Variants in DYNC1H1 observed in about 807,000 individuals in gnomAD.
The protein encoded by DYNC1H1 is dynein cytoplasmic 1 heavy chain 1.
In DYNC1H1, 51 loss-of-function variants were observed where a neutral mutation model predicts 527.1. The ratio of observed to expected loss-of-function variants is 0.10; its 90% CI spans 0.08 to 0.12. The LOEUF (loss-of-function observed/expected upper bound fraction) is 0.12. DYNC1H1 is among the 10% of genes least tolerant of loss of function. DYNC1H1 has a pLI of 1.00. For synonymous variants in DYNC1H1, 2,189 were observed against 2,278.8 expected (o/e 0.96, Z 1.12); for missense variants, 2,771 against 5,971.8 (o/e 0.46, Z 17.66).
chr14:101,968,284 GGTTTTGTTTT>G (rs71116867), intron 1 of DYNC1H1, among the ~76,000 whole-genome samples: 4 of 151,574 alleles, frequency 2.6e-5, no homozygotes, highest in African/African-American at 9.7e-5. Flanking sequence ...GTGGGGAAAG[GGTTTTGTTTT>G]GTTTTGTTTT....
At chr14:102,040,551 C>T (rs772857781) in intron 63 of DYNC1H1, 47 bp from the exon 64 acceptor site, 1 of 1,613,610 alleles carries the variant, frequency 6.2e-7, no homozygotes, top group Non-Finnish European at 8.5e-7. Flanking sequence ...GGTTCTGCCC[C>T]AGAGGCCAGC....
rs2048181510 is a variant in DYNC1H1 at position 102,005,085 on chromosome 14, A to G, written c.5282A>G (p.Asn1761Ser). ...VLSAQIAWSENVETALSSMGG... is the reference protein window; with the variant it reads ...VLSAQIAWSESVETALSSMGG... ...TCAGCCCAGATAGCCTGGTCTGAGA[A>G]CGTGGAGACCGCACTGAGCAGCATG... Residue 1761 changes from asparagine (N) to serine (S), a missense_variant, in exon 26 of 78, where the codon AAC becomes AGC. Asn to Ser is a conservative substitution (Grantham distance 46). Coordinates refer to ENST00000360184, the MANE Select transcript of DYNC1H1 (RefSeq NM_001376.5). This position sits in a 1 kb window ranked among gnomAD's most constrained non-coding sequence, Gnocchi z 4.0. 2 of 1,614,204 alleles carry G rather than the reference A, an allele frequency of 1.2e-6. No individual in the cohort carries two copies. The highest frequency in any genetic ancestry group is 1.7e-6 in the Non-Finnish European group (2 of 1,180,042).
rs371535011 is a variant in DYNC1H1, at chr14:102,042,190, G to A, written c.12215-38G>A. On this transcript the variant is annotated intron_variant, in intron 66 of 77. Transcript: ENST00000360184. This position sits in a 1 kb window ranked among gnomAD's most constrained non-coding sequence, Gnocchi z 5.7. ...GGATTTGTGGTGGGCATTGATGTCC[G>A]AGGCTGCCGCTGCTAACACTAAGTT... is the stretch of plus-strand genomic sequence containing the variant. 8.7e-6 allele frequency: 14 copies of A among 1,613,866 alleles called. No individual in the cohort carries two copies. The highest frequency in any genetic ancestry group is 1.6e-4 in the Middle Eastern group (1 of 6,082).
At chr14:101,987,715 C>A in intron 9 of DYNC1H1, 83 bp downstream of exon 9, 2 of 1,501,748 alleles carry the variant, frequency 1.3e-6, no homozygotes, top group Non-Finnish European at 1.8e-6. Context: ...CACTAAAAAG[C>A]ATTTTTCCTT....
chr14:102,044,925 A>G lies in DYNC1H1; in HGVS notation c.13006+227A>G. The stretch of plus-strand genomic sequence containing the variant: ...GAGGAAAGAACTGGCTCTTCTCTGC[A>G]GCATCAACTCAGTTCTAGAGAAAAG... On this transcript the variant is annotated intron_variant, in intron 72 of 77. Coordinates refer to ENST00000360184, the MANE Select transcript of DYNC1H1 (RefSeq NM_001376.5). The surrounding 1 kb of genome is among the most constrained non-coding windows in gnomAD (Gnocchi z 7.1). The G allele has an allele frequency of 1.7e-6, 1 of 594,036 alleles. No individual in the cohort carries two copies. The highest frequency in any genetic ancestry group is 3.0e-6 in the Non-Finnish European group (1 of 333,052). The allele number at this position is 594,036 out of a possible 1,614,324, so 36.8% of individuals were successfully genotyped here. A position where few individuals can be genotyped will look rare whatever the true frequency, so the allele number is the denominator to read the frequency against.
chr14:101,981,246 C>T (rs1471644602), intron 5 of DYNC1H1, among the ~76,000 whole-genome samples: 1 of 152,122 alleles, frequency 6.6e-6, no homozygotes, highest in Non-Finnish European at 1.5e-5. Flanking sequence ...ACCTCAGCCA[C>T]CCAAGTAGCT....
chr14:101,991,617 T>G lies in DYNC1H1; in HGVS notation c.2959T>G (p.Phe987Val). 6.2e-7 allele frequency: 1 copy of G among 1,614,178 alleles called. No homozygotes were observed. Among genetic ancestry groups the G allele is most frequent in the Non-Finnish European group, 8.5e-7 (1 of 1,180,038 alleles). ...ECRYKLYQEMFAWKMVVLSLP... is the reference protein window; with the variant it reads ...ECRYKLYQEMVAWKMVVLSLP... Reference sequence around the variant, plus strand: ...CAGATACAAGCTGTATCAGGAAATGTTTGCCTGGAAGATGGTTGTACTGTC... The same window carrying G: ...CAGATACAAGCTGTATCAGGAAATGGTTGCCTGGAAGATGGTTGTACTGTC... Residue 987 changes from phenylalanine to valine, a missense_variant, in exon 11 of 78, where the codon TTT becomes GTT. This residue lies in a region of DYNC1H1 where 179 missense variants were observed against 349.4 expected (regional missense o/e 0.51). Coordinates refer to ENST00000360184, the MANE Select transcript of DYNC1H1 (RefSeq NM_001376.5).
At position 102,044,453 on chromosome 14, in the gene DYNC1H1, C is replaced by G; in HGVS notation, c.12864C>G (p.Val4288=). 1 of 1,614,136 alleles carries G rather than the reference C, an allele frequency of 6.2e-7. No individual in the cohort carries two copies. The highest frequency in any genetic ancestry group is 1.1e-5 in the South Asian group (1 of 91,064). The change falls in exon 71 of 78, where the codon GTC becomes GTG. Residue 4288 remains valine, a synonymous_variant. Transcript: ENST00000360184. This position sits in a 1 kb window ranked among gnomAD's most constrained non-coding sequence, Gnocchi z 7.1. The part of the protein sequence containing the change: ...FDSEFKLACK[V]DGHKDIQMPD... ...GTGAGTTTAAGCTGGCATGCAAGGT[C>G]GACGGACATAAAGACATTCAAATGC...
chr14:101,996,135 C>CTTTT (rs537429528), intron 15 of DYNC1H1, among the ~76,000 whole-genome samples: 2 of 142,542 alleles, frequency 1.4e-5, no homozygotes, highest in Non-Finnish European at 3.1e-5. Context: ...CTTTTCTTTT[C>CTTTT]TTTTTTTTTT....
At chr14:102,047,488 G>T (rs920465592) in intron 72 of DYNC1H1, among the ~76,000 whole-genome samples, 1 of 151,570 alleles carries the variant, frequency 6.6e-6, no homozygotes, top group African/African-American at 2.4e-5. Flanking sequence ...AGTGAGCCAA[G>T]GTCACGCCAC....
At position 102,032,807 on chromosome 14, in the gene DYNC1H1, C is replaced by T. The variant is rs1421988242; in HGVS notation, c.10080-258C>T. On this transcript the variant is annotated intron_variant, in intron 52 of 77. Transcript: ENST00000360184. Reference sequence around the variant, plus strand: ...GATCAAGGCTTCAGTGAACCGAGATCACACCACCGCACTCCAGCCTGGGTG... The same window carrying T: ...GATCAAGGCTTCAGTGAACCGAGATTACACCACCGCACTCCAGCCTGGGTG... The T allele has an allele frequency of 2.3e-5, 13 of 566,664 alleles. No homozygotes were observed. In the East Asian group the frequency reaches 3.4e-4, roughly 15 times the overall value. The allele number at this position is 566,664 out of a possible 1,614,324, so 35.1% of individuals were successfully genotyped here.
Position 101,997,375 on chromosome 14 carries a change from T to A in DYNC1H1, c.3804+101T>A. 1.9e-6 allele frequency: 3 copies of A among 1,577,706 alleles called. No individual in the cohort carries two copies. Among genetic ancestry groups the A allele is most frequent in the Non-Finnish European group, 8.6e-7 (1 of 1,161,436 alleles). The stretch of plus-strand genomic sequence containing the variant: ...AAGGCCTTGCTGTGACTGAGCTTTC[T>A]AGTATTGAAGACTCTTTTCCTTTTT... On this transcript the variant is annotated intron_variant, in intron 16 of 77. Transcript: ENST00000360184. The surrounding 1 kb of genome is among the most constrained non-coding windows in gnomAD (Gnocchi z 4.8).
rs1430096027 is a variant in DYNC1H1, at chr14:102,012,125, T to A, written c.6857+12T>A. 2 of 1,614,044 alleles carry A rather than the reference T, an allele frequency of 1.2e-6. No individual in the cohort carries two copies. Among genetic ancestry groups the A allele is most frequent in the Admixed American group, 1.7e-5 (1 of 60,022 alleles). ...CACGTGCTGAGAAAGTACGTCTTCT[T>A]TGATCTGTGTTTGTGTTCTCCTGGA... On this transcript the variant is annotated intron_variant, in intron 33 of 77. Coordinates refer to ENST00000360184, the MANE Select transcript of DYNC1H1 (RefSeq NM_001376.5). This position sits in a 1 kb window ranked among gnomAD's most constrained non-coding sequence, Gnocchi z 4.9.
In DYNC1H1 at chr14:102,018,328, G is replaced by C. The variant is rs1487391096; in HGVS notation, c.8178-123G>C. On this transcript the variant is annotated intron_variant, in intron 40 of 77. Coordinates refer to ENST00000360184, the MANE Select transcript of DYNC1H1 (RefSeq NM_001376.5). This position sits in a 1 kb window ranked among gnomAD's most constrained non-coding sequence, Gnocchi z 5.2. ...CTCAGCTAACACTGATGTCAAGTCTGCATAGCTGGGTTAGGAAGCGACCTC... is the reference window on the plus strand; with the variant it reads ...CTCAGCTAACACTGATGTCAAGTCTCCATAGCTGGGTTAGGAAGCGACCTC... 1.5e-6 allele frequency: 2 copies of C among 1,374,010 alleles called. No homozygotes were observed. Among genetic ancestry groups the C allele is most frequent in the East Asian group, 5.0e-5 (2 of 39,886 alleles). 85.1% of individuals were successfully genotyped at this position (1,374,010 alleles called of 1,614,324 possible).
At position 101,985,593 on chromosome 14, in the gene DYNC1H1, G is replaced by A; in HGVS notation, c.1462-94G>A. 1 of 1,411,700 alleles carries A rather than the reference G, an allele frequency of 7.1e-7. No individual in the cohort carries two copies. Among genetic ancestry groups the A allele is most frequent in the South Asian group, 1.2e-5 (1 of 85,658 alleles). The allele number at this position is 1,411,700 out of a possible 1,614,324, so 87.4% of individuals were successfully genotyped here. A position where few individuals can be genotyped will look rare whatever the true frequency, so the allele number is the denominator to read the frequency against. ...CCTGCCTTGGCCTCCCAAAGTGCTG[G>A]GATTACAGGTGTGAGCCACTGCACC... On this transcript the variant is annotated intron_variant, in intron 7 of 77. Coordinates refer to ENST00000360184, the MANE Select transcript of DYNC1H1 (RefSeq NM_001376.5). This position sits in a 1 kb window ranked among gnomAD's most constrained non-coding sequence, Gnocchi z 5.9.
In DYNC1H1 at chr14:102,047,641, G is replaced by GTATATA. The variant is rs71116874; in HGVS notation, c.13007-158_13007-153dup. The GTATATA allele has an allele frequency of 1.3e-3, 415 of 316,628 alleles. 9 individuals carry two copies. Among genetic ancestry groups the GTATATA allele is most frequent in the African/African-American group, 9.8e-3 (251 of 25,518 alleles). 19.6% of individuals were successfully genotyped at this position (316,628 alleles called of 1,614,324 possible). A position where few individuals can be genotyped will look rare whatever the true frequency, so the allele number is the denominator to read the frequency against. ...TACACGTGTGTGTGTGTGTGTGTGT[G>GTATATA]TATATATATATATATATATATATGT... is the stretch of plus-strand genomic sequence containing the variant. On this transcript the variant is annotated intron_variant, in intron 72 of 77. Transcript: ENST00000360184.
At position 101,990,563 on chromosome 14, in the gene DYNC1H1, A is replaced by G. The variant is rs148967721; in HGVS notation, c.2869-964A>G. Among the ~76,000 whole-genome samples the G allele has an allele frequency of 1.1e-4, 16 of 152,238 alleles. No homozygotes were observed. In the South Asian group the frequency reaches 1.2e-3, roughly 12 times the overall value. On this transcript the variant is annotated intron_variant, in intron 10 of 77. Coordinates refer to ENST00000360184, the MANE Select transcript of DYNC1H1 (RefSeq NM_001376.5). Reference sequence around the variant, plus strand: ...AGTAGTTTAGTAATTTAGAGAGAGAAAGTGTTGAGTATCAAAACTATTTTA... The same window carrying G: ...AGTAGTTTAGTAATTTAGAGAGAGAGAGTGTTGAGTATCAAAACTATTTTA...
intron 4 of DYNC1H1, 134 bp downstream of exon 4, chr14:101,980,108 G>A: frequency 1.4e-6 from 2 of 1,393,468 alleles, no homozygotes; most frequent in African/African-American, 1.4e-5. Context: ...TCCTGGGACT[G>A]TCCAGTGCAG....
chr14:102,043,283 CAAAAA>C (rs10673572), intron 69 of DYNC1H1: 31 of 118,278 alleles, frequency 2.6e-4, no homozygotes, highest in South Asian at 7.3e-4. Context: ...GACCCCGTCT[CAAAAA>C]AAAAAAAAAA....
Sources: gnomAD v4.1 joint callset for allele counts (sites outside exome capture counted in the v4.1 genomes callset) on GRCh38, gnomAD v4.1.1 for gene constraint, gnomAD v4.1.1 regional missense constraint, Gnocchi (gnomAD v3.1) non-coding constraint, MANE v1.5 for transcripts, NCBI Gene and HGNC (gene_info 2026-07-23, HGNC 2026-07-21) for gene names.